The following SLC2A2 variants were observed in gnomAD, a reference collection of about 807,000 sequenced individuals.
SLC2A2 encodes the protein solute carrier family 2 member 2.
In SLC2A2, 36 loss-of-function variants were observed where a neutral mutation model predicts 54.5. The observed-to-expected ratio is 0.66, with a 90% CI of 0.51 to 0.87. The LOEUF is 0.87. SLC2A2 is among the 40% of genes least tolerant of loss of function. The pLI is 0.00. For missense variants in SLC2A2, 543 were observed against 624.3 expected, an observed-to-expected ratio of 0.87 and a Z score of 1.39; for synonymous variants, 223 against 219.1, an observed-to-expected ratio of 1.02 and a Z score of -0.16.
chr3:171,006,207 T>A, intron 5 of SLC2A2, 102 bp from the exon 6 acceptor site: 4 of 1,052,256 alleles, frequency 3.8e-6, no homozygotes, highest in Non-Finnish European at 5.6e-6. Flanking sequence ...TAGTAGTCTC[T>A]GACAACTTTG....
intron 1 of SLC2A2, among the ~76,000 whole-genome samples, chr3:171,022,249 T>A (rs764852975): frequency 6.6e-5 from 10 of 152,322 alleles, no homozygotes; most frequent in Admixed American, 2.6e-4. Flanking sequence ...TTATTTTGCA[T>A]CCCTCATTAG....
At position 170,998,208 on chromosome 3, in the gene SLC2A2, A is replaced by T. The variant is rs1715182989; in HGVS notation, c.1359T>A (p.Cys453Ter). ...GGCTGCTTACCGCAATGTACTGGAA[A>T]CACAGAGCTACAATGAAATTGCAGG... Reference protein sequence around the residue: ...NWTCNFIVALCFQYIADFCGP... With the variant: ...NWTCNFIVAL Residue 453 changes from cysteine (C) to a stop codon, truncating the protein, a stop_gained, in exon 10 of 11, where the codon TGT (cysteine) becomes TGA (stop). Transcript: ENST00000314251. LOFTEE classifies it high-confidence loss of function. The T allele has an allele frequency of 6.2e-7, 1 of 1,613,786 alleles. No homozygotes were observed. Among genetic ancestry groups the T allele is most frequent in the South Asian group, 1.1e-5 (1 of 91,080 alleles).
intron 1 of SLC2A2, among the ~76,000 whole-genome samples, chr3:171,019,665 A>T (rs1377460782): frequency 6.6e-6 from 1 of 152,242 alleles, no homozygotes; most frequent in South Asian, 2.1e-4. Flanking sequence ...ATCATAATAC[A>T]TACATCAGAT....
intron 3 of SLC2A2, among the ~76,000 whole-genome samples, chr3:171,014,252 C>T (rs1716020461): frequency 6.6e-6 from 1 of 152,128 alleles, no homozygotes; most frequent in Admixed American, 6.5e-5. Context: ...ACACACAAAA[C>T]TCATGTTTGG....
At chr3:171,008,733 G>T (rs957154129) in intron 4 of SLC2A2, among the ~76,000 whole-genome samples, 1 of 151,942 alleles carries the variant, frequency 6.6e-6, no homozygotes, top group Non-Finnish European at 1.5e-5. Context: ...CATTTTATGG[G>T]AGAAGAAACT....
At position 171,020,852 on chromosome 3, in the gene SLC2A2, C is replaced by A. The variant is rs186965382; in HGVS notation, c.16-2229G>T. ...TGAGCTATGATTGCACCACCATACT[C>A]CAGCCTGGGTGACAAAGCAAGACCC... On this transcript the variant is annotated intron_variant, in intron 1 of 10. Transcript: ENST00000314251. Among the ~76,000 whole-genome samples, 25 of 151,720 alleles carry A rather than the reference C, an allele frequency of 1.6e-4. No individual in the cohort carries two copies. In the East Asian group the frequency reaches 4.5e-3, roughly 27 times the overall value.
At position 171,015,821 on chromosome 3, in the gene SLC2A2, G is replaced by C. The variant is rs138701649; in HGVS notation, c.109-1090C>G. Among the ~76,000 whole-genome samples, 7 of 152,230 alleles carry C rather than the reference G, an allele frequency of 4.6e-5. No individual in the cohort carries two copies. The East Asian group carries it at 1.4e-3, about 29-fold the overall frequency. On this transcript the variant is annotated intron_variant, in intron 2 of 10. Coordinates refer to ENST00000314251, the MANE Select transcript of SLC2A2 (RefSeq NM_000340.2). ...AGACCCAAAGGAAGTTTCTCCTGTG[G>C]GTCCTCATAGAGTTAACTGTGTAAC...
rs898864041 is a variant in SLC2A2 at position 171,005,485 on chromosome 3, A to G, written c.776-13T>C. The G allele has an allele frequency of 1.2e-6, 2 of 1,609,200 alleles. No homozygotes were observed. Among genetic ancestry groups the G allele is most frequent in the Admixed American group, 1.7e-5 (1 of 59,816 alleles). The stretch of plus-strand genomic sequence containing the variant: ...AGTCTTTTCAAGCCTGTCCAAGAAA[A>G]TGATCAGGTTGAAACAACTCAGGCC... On this transcript the variant is annotated splice_polypyrimidine_tract_variant and intron_variant, in intron 6 of 10. Coordinates refer to ENST00000314251, the MANE Select transcript of SLC2A2 (RefSeq NM_000340.2).
intron 1 of SLC2A2, among the ~76,000 whole-genome samples, chr3:171,024,883 A>C (rs1716615298): frequency 1.3e-5 from 2 of 152,190 alleles, no homozygotes; most frequent in African/African-American, 2.4e-5. Context: ...TCTGGGTTCC[A>C]TTGTTAGGCA....
rs1272816101 is a variant in SLC2A2, at chr3:171,002,678, A to C, written c.966T>G (p.Ile322Met). 1 of 1,590,800 alleles carries C rather than the reference A, an allele frequency of 6.3e-7. No individual in the cohort carries two copies. Among genetic ancestry groups the C allele is most frequent in the Admixed American group, 1.7e-5 (1 of 59,248 alleles). The change falls in exon 8 of 11, where the codon ATT becomes ATG. Residue 322 changes from isoleucine to methionine, a missense_variant and splice_region_variant. Coordinates refer to ENST00000314251, the MANE Select transcript of SLC2A2 (RefSeq NM_000340.2). ...GAAAAATGCTGGTTGAGTAGTAAAA[A>C]ATCTGCAAAGTAAAAACAGGTTAGC... ...VAQQFSGINGIFYYSTSIFQT... is the reference protein window; with the variant it reads ...VAQQFSGINGMFYYSTSIFQT...
intron 1 of SLC2A2, among the ~76,000 whole-genome samples, 158 bp from the exon 2 acceptor site, chr3:171,018,781 T>G (rs959984784): frequency 1.3e-5 from 2 of 152,070 alleles, no homozygotes; most frequent in African/African-American, 4.8e-5. Context: ...CTGGCAGGTG[T>G]TGTTCATACA....
At chr3:171,018,227 TTC>T (rs1308102427) in intron 2 of SLC2A2, among the ~76,000 whole-genome samples, 11 of 152,008 alleles carry the variant, frequency 7.2e-5, no homozygotes, top group Admixed American at 7.2e-4. Context: ...AGCTCTTTTT[TTC>T]TTTTTTTTTT....
Position 170,999,058 on chromosome 3 carries a change from A to G in SLC2A2, c.1170+7T>C. 6.3e-7 allele frequency: 1 copy of G among 1,596,280 alleles called. No homozygotes were observed. Among genetic ancestry groups the G allele is most frequent in the Non-Finnish European group, 8.6e-7 (1 of 1,163,914 alleles). On this transcript the variant is annotated splice_region_variant and intron_variant, in intron 9 of 10. Coordinates refer to ENST00000314251, the MANE Select transcript of SLC2A2 (RefSeq NM_000340.2). ...ATGAAAAACCTCAGTGCAGGCACCAAACTTACCAGCAGCACAAGTCCCACT... is the reference window on the plus strand; with the variant it reads ...ATGAAAAACCTCAGTGCAGGCACCAGACTTACCAGCAGCACAAGTCCCACT...
rs574083163 is a variant in SLC2A2 at position 171,014,407 on chromosome 3, A to G, written c.371+62T>C. 3.9e-6 allele frequency: 6 copies of G among 1,540,302 alleles called. No homozygotes were observed. In the East Asian group the frequency reaches 1.1e-4, roughly 29 times the overall value. On this transcript the variant is annotated intron_variant, in intron 3 of 10. Coordinates refer to ENST00000314251, the MANE Select transcript of SLC2A2 (RefSeq NM_000340.2). ...GAAGAAAGATAATATTTTTCTAAAC[A>G]AGTGTTAGGAAAATGAAAATATGAA...
intron 4 of SLC2A2, chr3:171,007,605 AT>A (rs1278927316): frequency 1.2e-5 from 4 of 326,244 alleles, no homozygotes; most frequent in African/African-American, 2.1e-5. Context: ...TGTTTTAATA[AT>A]ATTCTTAATT....
chr3:171,007,126 G>A, intron 5 of SLC2A2, 22 bp downstream of exon 5: 1 of 1,355,738 alleles, frequency 7.4e-7, no homozygotes, highest in South Asian at 1.2e-5. Flanking sequence ...TGCAGTAGGG[G>A]ATAAGGATGG....
chr3:171,009,854 C>A (rs140390462), intron 4 of SLC2A2, 104 bp downstream of exon 4: 11 of 1,480,684 alleles, frequency 7.4e-6, no homozygotes, highest in Admixed American at 2.0e-5. Context: ...ACCCTAGACT[C>A]AAAAATATCC....
intron 3 of SLC2A2, among the ~76,000 whole-genome samples, 164 bp downstream of exon 3, chr3:171,014,305 T>C (rs1716024004): frequency 6.6e-6 from 1 of 152,236 alleles, no homozygotes; most frequent in African/African-American, 2.4e-5. Context: ...CAACAGCTTT[T>C]TTCATTGATT....
chr3:171,026,481 C>G (rs1268925538), intron 1 of SLC2A2, among the ~76,000 whole-genome samples, 175 bp downstream of exon 1: 1 of 150,454 alleles, frequency 6.6e-6, no homozygotes, highest in African/African-American at 2.4e-5. Context: ...AGCAAAAATC[C>G]TTAAAACCCC....
Sources: allele counts gnomAD v4.1 joint callset (sites outside exome capture counted in the v4.1 genomes callset), GRCh38; gene constraint gnomAD v4.1.1; transcripts MANE v1.5; gene names NCBI Gene and HGNC (gene_info 2026-07-23, HGNC 2026-07-21).